The following SYNE2 variants were observed in gnomAD, a reference collection of about 807,000 sequenced individuals.
The protein encoded by SYNE2 is spectrin repeat containing nuclear envelope protein 2, also known as nesprin-2.
In SYNE2, 431 loss-of-function variants were observed where a neutral mutation model predicts 856.3. The ratio of observed to expected loss-of-function variants is 0.50; its 90% CI spans 0.47 to 0.55. The LOEUF (loss-of-function observed/expected upper bound fraction) is 0.55. Among genes scored for constraint, SYNE2 ranks in the 20% least tolerant of loss-of-function variants. SYNE2 has a pLI of 0.00. For synonymous variants in SYNE2, 2,923 were observed against 2,872.3 expected, an observed-to-expected ratio of 1.02 and a Z score of -0.56; for missense variants, 8,129 against 8,023.2, an observed-to-expected ratio of 1.01 and a Z score of -0.50.
chr14:63,990,685 A>C, intron 20 of SYNE2, 116 bp downstream of exon 20: 1 of 949,554 alleles, frequency 1.1e-6, no homozygotes. Context: ...GTAAAATATT[A>C]CTTTTGCATT....
At chr14:63,828,028 CAAAAAAAA>C (rs71120298) in intron 1 of SYNE2, among the ~76,000 whole-genome samples, 3 of 98,398 alleles carry the variant, frequency 3.0e-5, no homozygotes, top group South Asian at 6.3e-4. Flanking sequence ...CTTCGTCTTT[CAAAAAAAA>C]AAAAAAAAAA....
chr14:64,030,018 G>A lies in SYNE2; in HGVS notation c.6838G>A (p.Val2280Met), dbSNP rs201379966. 2.3e-5 allele frequency: 37 copies of A among 1,614,020 alleles called. No homozygotes were observed. Among genetic ancestry groups the A allele is most frequent in the Non-Finnish European group, 2.7e-5 (32 of 1,180,014 alleles). The change falls in exon 44 of 116, where the codon GTG (valine) becomes ATG (methionine). Residue 2280 changes from valine to methionine, a missense_variant. Transcript: ENST00000555002. ...KEFVSFSDKP[V>M]DQIAVEEKLQ... The stretch of plus-strand genomic sequence containing the variant: ...ATTTGTCAGTTTTTCTGATAAGCCT[G>A]TGGATCAAATAGCGGTTGAGGAAAA...
intron 2 of SYNE2, among the ~76,000 whole-genome samples, chr14:63,919,361 G>A (rs1318092909): frequency 1.3e-5 from 2 of 152,160 alleles, no homozygotes; most frequent in South Asian, 2.1e-4. Context: ...GTTTAGGAGC[G>A]ATCGAATAAC....
At chr14:63,890,053 C>CTTTT (rs71123813) in intron 1 of SYNE2, among the ~76,000 whole-genome samples, 3 of 95,030 alleles carry the variant, frequency 3.2e-5, no homozygotes, top group Non-Finnish European at 6.1e-5. Flanking sequence ...TTCTTTCTTT[C>CTTTT]TTTTTTTTTT....
At chr14:63,987,558 A>G (rs1417043882) in intron 19 of SYNE2, among the ~76,000 whole-genome samples, 1 of 152,170 alleles carries the variant, frequency 6.6e-6, no homozygotes, top group Admixed American at 6.5e-5. Context: ...CATTTATATA[A>G]TTTTTTAAGC....
chr14:63,919,210 G>T (rs1286641218), intron 2 of SYNE2, among the ~76,000 whole-genome samples: 1 of 152,160 alleles, frequency 6.6e-6, no homozygotes, highest in Admixed American at 6.5e-5. Context: ...TGCCCATGGT[G>T]CTTATATTTA....
chr14:64,145,942 C>T (rs2098182265), intron 83 of SYNE2, 126 bp from the exon 84 acceptor site: 1 of 604,480 alleles, frequency 1.7e-6, no homozygotes, highest in Non-Finnish European at 2.7e-6. Flanking sequence ...GTTATCAGAG[C>T]ATCTTATTAC....
In SYNE2 at chr14:64,002,745, A is replaced by G. The variant is rs2096765172; in HGVS notation, c.3812A>G (p.Gln1271Arg). 1 of 1,613,152 alleles carries G rather than the reference A, an allele frequency of 6.2e-7. No homozygotes were observed. The change falls in exon 30 of 116, where the codon CAG (glutamine) becomes CGG (arginine). Residue 1271 changes from glutamine to arginine, a missense_variant. Gln to Arg is a conservative substitution (Grantham distance 43). This residue lies in a region of SYNE2 where 2,422 missense variants were observed against 2,357.4 expected (regional missense o/e 1.03). Transcript: ENST00000555002. Reference sequence around the variant, plus strand: ...AATATCCAAGATTCCATAGCAAAACAGATTGAAATATGTAACCGCTTAGAA... The same window carrying G: ...AATATCCAAGATTCCATAGCAAAACGGATTGAAATATGTAACCGCTTAGAA... ...LRNIQDSIAK[Q>R]IEICNRLEEP... is the part of the protein sequence containing the mutation.
In SYNE2 at chr14:64,024,995, A is replaced by G. The variant is rs1351794482; in HGVS notation, c.5924A>G (p.Lys1975Arg). 2 of 1,614,004 alleles carry G rather than the reference A, an allele frequency of 1.2e-6. No homozygotes were observed. The highest frequency in any genetic ancestry group is 1.7e-6 in the Non-Finnish European group (2 of 1,179,984). Reference sequence around the variant, plus strand: ...AAAGGAATGGAAGAACCAGGGGAGAAAACTGAGCTGTTCTGCCAAGCTTTA... The same window carrying G: ...AAAGGAATGGAAGAACCAGGGGAGAGAACTGAGCTGTTCTGCCAAGCTTTA... ...KWKGMEEPGE[K>R]TELFCQALAR... The change falls in exon 40 of 116, where the codon AAA becomes AGA. Residue 1975 changes from lysine to arginine, a missense_variant. By Grantham distance (26) the Lys-to-Arg change is conservative. Coordinates refer to ENST00000555002, the MANE Select transcript of SYNE2 (RefSeq NM_182914.3).
rs2098676443 is a variant in SYNE2 at position 64,218,302 on chromosome 14, A to G, written c.19543-96A>G. On this transcript the variant is annotated intron_variant, in intron 108 of 115. Coordinates refer to ENST00000555002, the MANE Select transcript of SYNE2 (RefSeq NM_182914.3). ...GATACCCTTCAAAGGAAAGGGGCCC[A>G]TCTCATTTCTTCACTGTTAATATGA... 2.7e-6 allele frequency: 3 copies of G among 1,105,078 alleles called. No individual in the cohort carries two copies. In the Admixed American group the frequency reaches 5.9e-5, roughly 22 times the overall value. 68.5% of individuals were successfully genotyped at this position (1,105,078 alleles called of 1,614,324 possible).
At chr14:64,206,626 C>T (rs921732640) in intron 100 of SYNE2, among the ~76,000 whole-genome samples, 10 of 150,904 alleles carry the variant, frequency 6.6e-5, no homozygotes, top group South Asian at 2.1e-4. Context: ...TCATTTCTTA[C>T]GGCCATTTAC....
intron 22 of SYNE2, among the ~76,000 whole-genome samples, chr14:63,994,418 G>A (rs907944015): frequency 6.6e-6 from 1 of 152,082 alleles, no homozygotes; most frequent in African/African-American, 2.4e-5. Context: ...TACTGTTAAG[G>A]ATCCTCCTAA....
intron 1 of SYNE2, among the ~76,000 whole-genome samples, chr14:63,815,948 CT>C (rs34053312): frequency 0.1 from 13,005 of 128,754 alleles, 309 homozygotes; most frequent in African/African-American, 0.12. Context: ...TTAAATTATT[CT>C]TTTTTTTTTT....
At chr14:63,942,769 A>G (rs1010764806) in intron 6 of SYNE2, among the ~76,000 whole-genome samples, 1 of 152,088 alleles carries the variant, frequency 6.6e-6, no homozygotes, top group African/African-American at 2.4e-5. Context: ...TGCTGAGATT[A>G]CAGGTGTGAG....
intron 9 of SYNE2, among the ~76,000 whole-genome samples, chr14:63,962,946 AAAG>A (rs2096341124): frequency 6.6e-6 from 1 of 152,248 alleles, no homozygotes; most frequent in African/African-American, 2.4e-5. Context: ...GCTGAGCTGA[AAAG>A]AAACTCTTAT....
rs533152556 is a variant in SYNE2 at position 64,173,016 on chromosome 14, C to T, written c.17236-1928C>T. 1.9e-4 allele frequency among the ~76,000 whole-genome samples: 29 copies of T among 152,028 alleles called. 1 individual carries two copies. The South Asian group carries it at 5.6e-3, about 29-fold the overall frequency. On this transcript the variant is annotated intron_variant, in intron 94 of 115. Coordinates refer to ENST00000555002, the MANE Select transcript of SYNE2 (RefSeq NM_182914.3). ...GAAAGAGCCTATTTGGGTGTGGTTACATCTGGGTCTTCTTTTCTGCAATAA... is the reference window on the plus strand; with the variant it reads ...GAAAGAGCCTATTTGGGTGTGGTTATATCTGGGTCTTCTTTTCTGCAATAA...
At chr14:64,201,212 A>G (rs749716545) in intron 99 of SYNE2, among the ~76,000 whole-genome samples, 37 of 152,144 alleles carry the variant, frequency 2.4e-4, no homozygotes, top group Middle Eastern at 3.2e-3. Flanking sequence ...CCCTCACCTC[A>G]CCCGATGCTA....
At chr14:63,898,345 A>G (rs555061555) in intron 1 of SYNE2, among the ~76,000 whole-genome samples, 1 of 151,854 alleles carries the variant, frequency 6.6e-6, no homozygotes, top group Admixed American at 6.6e-5. Flanking sequence ...TCTCACTTTT[A>G]GTTTAGTGTT....
In SYNE2 at chr14:64,119,912, A is replaced by G. The variant is rs180971253; in HGVS notation, c.13023+303A>G. On this transcript the variant is annotated intron_variant, in intron 67 of 115. Transcript: ENST00000555002. ...TGTAAGGCTTCTTCGTAAAAGAAGGATGTATTATAAAGGAATTTTGTGACT... is the reference window on the plus strand; with the variant it reads ...TGTAAGGCTTCTTCGTAAAAGAAGGGTGTATTATAAAGGAATTTTGTGACT... Among the ~76,000 whole-genome samples the G allele has an allele frequency of 2.4e-3, 359 of 152,332 alleles. 1 individual carries two copies. Among genetic ancestry groups the G allele is most frequent in the African/African-American group, 8.3e-3 (344 of 41,572 alleles).
Sources: gnomAD v4.1 joint callset for allele counts (sites outside exome capture counted in the v4.1 genomes callset) on GRCh38, gnomAD v4.1.1 for gene constraint, gnomAD v4.1.1 regional missense constraint, MANE v1.5 for transcripts, NCBI Gene and HGNC (gene_info 2026-07-23, HGNC 2026-07-21) for gene names.